The following PITPNM3 variants were observed in gnomAD, a reference collection of about 807,000 sequenced individuals.
PITPNM3 encodes the protein membrane-associated phosphatidylinositol transfer protein 3.
Under a neutral mutation model 102.0 loss-of-function variants are expected in PITPNM3, and 26 were observed. The observed-to-expected ratio is 0.25, with a 90% CI of 0.19 to 0.35. The LOEUF (loss-of-function observed/expected upper bound fraction) is 0.35, where lower values mean the gene tolerates loss of function less well. PITPNM3 is among the 10% of genes least tolerant of loss of function. The pLI is 1.00. For missense variants in PITPNM3, 1,083 were observed against 1,346.1 expected, an observed-to-expected ratio of 0.80 and a Z score of 3.06; for synonymous variants, 578 against 558.6, an observed-to-expected ratio of 1.03 and a Z score of -0.49.
intron 3 of PITPNM3, among the ~76,000 whole-genome samples, chr17:6,514,050 C>T (rs967788656): frequency 3.9e-5 from 6 of 151,978 alleles, no homozygotes; most frequent in East Asian, 1.9e-4. Context: ...TAAATGGTGC[C>T]GGGAAAACTA....
At chr17:6,553,982 T>C (rs1022251708) in intron 1 of PITPNM3, among the ~76,000 whole-genome samples, 2 of 152,130 alleles carry the variant, frequency 1.3e-5, no homozygotes, top group African/African-American at 4.8e-5. Context: ...CATACACACA[T>C]TACTGTGTGT....
chr17:6,452,123 AT>A lies in PITPNM3; in HGVS notation c.*3214del, dbSNP rs1248595972. 3 of 152,228 alleles carry A rather than the reference AT, an allele frequency of 2.0e-5. No homozygotes were observed. Among genetic ancestry groups the A allele is most frequent in the Non-Finnish European group, 4.4e-5 (3 of 68,062 alleles). The allele number at this position is 152,228 out of a possible 1,614,324, so 9.4% of individuals were successfully genotyped here. On this transcript the variant is annotated 3_prime_UTR_variant, in exon 20 of 20. Coordinates refer to ENST00000262483, the MANE Select transcript of PITPNM3 (RefSeq NM_031220.4). ...CGCCAGGAATCTCTGGAATACTGGG[AT>A]TCAAACACATTTGTTTGCTGTAGCC... is the stretch of plus-strand genomic sequence containing the variant.
intron 1 of PITPNM3, among the ~76,000 whole-genome samples, chr17:6,551,819 C>T (rs962837068): frequency 5.3e-5 from 8 of 152,230 alleles, no homozygotes; most frequent in Admixed American, 1.3e-4. Context: ...CTAGTCACTG[C>T]CCCTGGGAGC....
Position 6,484,258 on chromosome 17 carries a change from C to A in PITPNM3, c.309G>T (p.Arg103Ser), listed in dbSNP as rs1408748562. 1.2e-6 allele frequency: 2 copies of A among 1,612,284 alleles called. No individual in the cohort carries two copies. The highest frequency in any genetic ancestry group is 1.7e-6 in the Non-Finnish European group (2 of 1,178,314). Reference protein sequence around the residue: ...ELYRVSLRRQRFPAQGSIEIH... With the variant: ...ELYRVSLRRQSFPAQGSIEIH... ...TCTCGATGCTTCCCTGGGCTGGGAA[C>A]CTCTGTCTTCTCAAGGAAACCCGGT... The change falls in exon 5 of 20, where the codon AGG becomes AGT. Residue 103 changes from arginine to serine, a missense_variant. Physicochemically the swap from Arg to Ser is moderately radical, Grantham distance 110. Coordinates refer to ENST00000262483, the MANE Select transcript of PITPNM3 (RefSeq NM_031220.4).
chr17:6,470,115 A>T lies in PITPNM3; in HGVS notation c.1773+145T>A. The T allele has an allele frequency of 2.1e-6, 2 of 933,560 alleles. No homozygotes were observed. The highest frequency in any genetic ancestry group is 3.3e-6 in the Non-Finnish European group (2 of 604,850). The allele number at this position is 933,560 out of a possible 1,614,324, so 57.8% of individuals were successfully genotyped here. A position where few individuals can be genotyped will look rare whatever the true frequency, so the allele number is the denominator to read the frequency against. ...TGGTCATGTCACTCCCCACTCACGT[A>T]GGTGCTCCAATGCCTTCCTCATGCT... On this transcript the variant is annotated intron_variant, in intron 13 of 19. Coordinates refer to ENST00000262483, the MANE Select transcript of PITPNM3 (RefSeq NM_031220.4). The surrounding 1 kb of genome is among the most constrained non-coding windows in gnomAD (Gnocchi z 4.8).
chr17:6,464,560 G>T, intron 15 of PITPNM3, 95 bp downstream of exon 15: 1 of 1,323,378 alleles, frequency 7.6e-7, no homozygotes, highest in Non-Finnish European at 1.1e-6. Context: ...AGGCAGCTCG[G>T]CCCTCTTGAC....
Position 6,461,279 on chromosome 17 carries a change from C to CA in PITPNM3, c.2490+93dup. On this transcript the variant is annotated intron_variant, in intron 18 of 19. Coordinates refer to ENST00000262483, the MANE Select transcript of PITPNM3 (RefSeq NM_031220.4). Reference sequence around the variant, plus strand: ...AATGGGATTTACAGACTGCACATCACAAGGCCCCACCCGGGAGGAGGGAGA... The same window carrying CA: ...AATGGGATTTACAGACTGCACATCACAAAGGCCCCACCCGGGAGGAGGGAGA... 4.8e-6 allele frequency: 7 copies of CA among 1,461,300 alleles called. No homozygotes were observed. In the South Asian group the frequency reaches 8.0e-5, roughly 17 times the overall value. The allele number at this position is 1,461,300 out of a possible 1,614,324, so 90.5% of individuals were successfully genotyped here.
At chr17:6,509,213 C>G (rs1039484015) in intron 3 of PITPNM3, among the ~76,000 whole-genome samples, 1 of 152,148 alleles carries the variant, frequency 6.6e-6, no homozygotes, top group Non-Finnish European at 1.5e-5. Context: ...TTCTGAGTCC[C>G]GCTAACGGTT....
At chr17:6,494,930 G>A (rs981439080) in intron 4 of PITPNM3, among the ~76,000 whole-genome samples, 3 of 151,942 alleles carry the variant, frequency 2.0e-5, no homozygotes, top group African/African-American at 7.3e-5. Context: ...AATTGCACAT[G>A]CCCATTGCAA....
intron 4 of PITPNM3, among the ~76,000 whole-genome samples, chr17:6,500,215 C>A (rs1156591799): frequency 2.0e-5 from 3 of 152,202 alleles, no homozygotes; most frequent in Non-Finnish European, 4.4e-5. Context: ...TCCAGGGCAA[C>A]TTTTACCACC....
rs930637566 is a variant in PITPNM3 at position 6,469,680 on chromosome 17, T to C, written c.1773+580A>G. 2.0e-5 allele frequency among the ~76,000 whole-genome samples: 3 copies of C among 152,220 alleles called. No individual in the cohort carries two copies. Among genetic ancestry groups the C allele is most frequent in the Admixed American group, 6.5e-5 (1 of 15,278 alleles). On this transcript the variant is annotated intron_variant, in intron 13 of 19. Transcript: ENST00000262483. This position sits in a 1 kb window ranked among gnomAD's most constrained non-coding sequence, Gnocchi z 4.0. ...TGCACTGGCCTCACAAGAGGCCTCA[T>C]GGTTCCTCTCCTGCCGTGAAAACAG...
In PITPNM3 at chr17:6,452,124, T is replaced by C. The variant is rs1195434502; in HGVS notation, c.*3214A>G. 1 of 152,220 alleles carries C rather than the reference T, an allele frequency of 6.6e-6. No individual in the cohort carries two copies. Among genetic ancestry groups the C allele is most frequent in the Non-Finnish European group, 1.5e-5 (1 of 68,052 alleles). The allele number at this position is 152,220 out of a possible 1,614,324, so 9.4% of individuals were successfully genotyped here. ...GCCAGGAATCTCTGGAATACTGGGA[T>C]TCAAACACATTTGTTTGCTGTAGCC... On this transcript the variant is annotated 3_prime_UTR_variant, in exon 20 of 20. Coordinates refer to ENST00000262483, the MANE Select transcript of PITPNM3 (RefSeq NM_031220.4).
At chr17:6,545,274 G>T (rs1414022841) in intron 1 of PITPNM3, among the ~76,000 whole-genome samples, 1 of 152,158 alleles carries the variant, frequency 6.6e-6, no homozygotes, top group African/African-American at 2.4e-5. Context: ...GCTATAAAAG[G>T]GCGTGTTAAA....
In PITPNM3 at chr17:6,474,622, C is replaced by T. The variant is rs770135500; in HGVS notation, c.1086-18G>A. ...AGTGGATGCTGCGGAGGGAGGAGGA[C>T]GCAGGGCAGGGCAGGTCAGGGAAGG... On this transcript the variant is annotated intron_variant, in intron 9 of 19. Coordinates refer to ENST00000262483, the MANE Select transcript of PITPNM3 (RefSeq NM_031220.4). 94 of 1,552,298 alleles carry T rather than the reference C, an allele frequency of 6.1e-5. 1 individual carries two copies. Among genetic ancestry groups the T allele is most frequent in the East Asian group, 1.2e-4 (5 of 41,092 alleles).
intron 3 of PITPNM3, among the ~76,000 whole-genome samples, chr17:6,522,339 C>T (rs541547862): frequency 2.6e-5 from 4 of 151,878 alleles, no homozygotes; most frequent in South Asian, 2.1e-4. Context: ...CCCTTGAGAA[C>T]TGGAGGGATG....
chr17:6,473,265 C>T, intron 10 of PITPNM3: 1 of 260,104 alleles, frequency 3.8e-6, no homozygotes, highest in Admixed American at 5.1e-5. Flanking sequence ...CACTCAGTTC[C>T]CAGGCCTGCT....
intron 2 of PITPNM3, among the ~76,000 whole-genome samples, chr17:6,528,363 G>A (rs1908952305): frequency 6.6e-6 from 1 of 151,858 alleles, no homozygotes; most frequent in East Asian, 1.9e-4. Flanking sequence ...GTCTCTCTGG[G>A]TCCCTGTCCT....
At chr17:6,496,408 A>C in intron 4 of PITPNM3, among the ~76,000 whole-genome samples, 1 of 150,994 alleles carries the variant, frequency 6.6e-6, no homozygotes, top group South Asian at 2.1e-4. Flanking sequence ...TTTCCCTCTC[A>C]CTGCAGAGTC....
intron 4 of PITPNM3, among the ~76,000 whole-genome samples, chr17:6,490,548 G>A (rs981110567): frequency 2.6e-5 from 4 of 152,122 alleles, no homozygotes; most frequent in Non-Finnish European, 5.9e-5. Context: ...AGCTGCAGGC[G>A]GCAAATTTCA....
Sources: gnomAD v4.1 joint callset for allele counts (sites outside exome capture counted in the v4.1 genomes callset) on GRCh38, gnomAD v4.1.1 for gene constraint, Gnocchi (gnomAD v3.1) non-coding constraint, MANE v1.5 for transcripts, NCBI Gene and HGNC (gene_info 2026-07-23, HGNC 2026-07-21) for gene names.